MMAA: variants seen among roughly 807,000 people sequenced by gnomAD.
MMAA encodes metabolism of cobalamin associated A, also known as methylmalonic aciduria type A protein, mitochondrial.
A neutral mutation model predicts 45.0 loss-of-function variants in MMAA; 41 were observed. The ratio of observed to expected loss-of-function variants is 0.91; its 90% CI spans 0.71 to 1.18. The LOEUF (loss-of-function observed/expected upper bound fraction) is 1.18, where lower values mean the gene tolerates loss of function less well. MMAA is among the 50% of genes most tolerant of loss of function. The pLI is 0.00. For missense variants in MMAA, 460 were observed against 495.7 expected (o/e 0.93, Z 0.68); for synonymous variants, 154 against 178.2 (o/e 0.86, Z 1.08).
At chr4:145,630,896 C>A (rs1271244482) in intron 1 of MMAA, among the ~76,000 whole-genome samples, 1 of 152,116 alleles carries the variant, frequency 6.6e-6, no homozygotes, top group Non-Finnish European at 1.5e-5. Context: ...TCCTTAATTT[C>A]TTCATTGACC....
chr4:145,625,871 G>T, intron 1 of MMAA: 4 of 1,403,868 alleles, frequency 2.8e-6, no homozygotes, highest in Non-Finnish European at 2.0e-6. Flanking sequence ...GACGGGTTAT[G>T]CAACTGTGAA....
At chr4:145,625,069 G>T in intron 1 of MMAA, 1 of 928,246 alleles carries the variant, frequency 1.1e-6, no homozygotes, top group South Asian at 1.3e-5. Context: ...TGCCATTCTC[G>T]GGCTTCCCCA....
chr4:145,648,512 T>C (rs1728003422), intron 4 of MMAA, among the ~76,000 whole-genome samples: 1 of 152,120 alleles, frequency 6.6e-6, no homozygotes, highest in Non-Finnish European at 1.5e-5. Flanking sequence ...TGACAGGGCT[T>C]TAGAAACTCC....
chr4:145,625,981 T>A, intron 1 of MMAA: 1 of 1,502,988 alleles, frequency 6.7e-7, no homozygotes, highest in South Asian at 1.1e-5. Flanking sequence ...TCACTACCCC[T>A]CAAAAGGGGT....
At chr4:145,638,283 G>A (rs554625071) in intron 1 of MMAA, among the ~76,000 whole-genome samples, 9 of 152,276 alleles carry the variant, frequency 5.9e-5, no homozygotes, top group Admixed American at 2.6e-4. Context: ...GCAGGAGAAT[G>A]GCGTGAACCC....
chr4:145,626,742 G>A (rs1458312406), intron 1 of MMAA, among the ~76,000 whole-genome samples: 3 of 152,144 alleles, frequency 2.0e-5, no homozygotes, highest in South Asian at 4.1e-4. Flanking sequence ...AAAATAGGAT[G>A]TCATCCACTG....
chr4:145,655,179 G>A lies in MMAA; in HGVS notation c.1002G>A (p.Gly334=), dbSNP rs1018880684. 18 of 1,614,152 alleles carry A rather than the reference G, an allele frequency of 1.1e-5. No homozygotes were observed. The highest frequency in any genetic ancestry group is 1.4e-5 in the Non-Finnish European group (16 of 1,179,996). ...GTATTTCTGCCCGAAGTGGAGAGGG[G>A]ATCTCTGAAATGTGGGATAAAATGA... ...VIRISARSGE[G]ISEMWDKMKD... is the part of the protein sequence containing the mutation. Residue 334 remains glycine, a synonymous_variant, in exon 7 of 7, where the codon GGG becomes GGA. Transcript: ENST00000649156.
chr4:145,635,106 A>G (rs1390813281), intron 1 of MMAA, among the ~76,000 whole-genome samples: 2 of 151,930 alleles, frequency 1.3e-5, no homozygotes, highest in Admixed American at 1.3e-4. Context: ...CCCCTAGTCC[A>G]CTGGCTCTGG....
chr4:145,624,728 A>G, intron 1 of MMAA: 1 of 1,581,912 alleles, frequency 6.3e-7, no homozygotes, highest in Non-Finnish European at 8.7e-7. Context: ...CTTTGTTCAG[A>G]AGCCACTTAT....
rs1728304868 is a variant in MMAA, at chr4:145,658,731, C to G, written c.*3297C>G. 1 of 148,364 alleles carries G rather than the reference C, an allele frequency of 6.7e-6. No homozygotes were observed. The highest frequency in any genetic ancestry group is 6.7e-5 in the Admixed American group (1 of 14,856). 9.2% of individuals were successfully genotyped at this position (148,364 alleles called of 1,614,324 possible). A position where few individuals can be genotyped will look rare whatever the true frequency, so the allele number is the denominator to read the frequency against. On this transcript the variant is annotated 3_prime_UTR_variant, in exon 7 of 7. Coordinates refer to ENST00000649156, the MANE Select transcript of MMAA (RefSeq NM_172250.3). The stretch of plus-strand genomic sequence containing the variant: ...AAAGGAAAAATTAGTGAAAATCATT[C>G]AAACATTATGCTCACCAGGTAGACT...
rs1728235952 is a variant in MMAA at position 145,656,511 on chromosome 4, A to G, written c.*1077A>G. ...TTACTATCCTTATTACATTAAAGTT[A>G]TGGGTATCTTGAAACTACAAACCTG... On this transcript the variant is annotated 3_prime_UTR_variant, in exon 7 of 7. Coordinates refer to ENST00000649156, the MANE Select transcript of MMAA (RefSeq NM_172250.3). 6.6e-6 allele frequency: 1 copy of G among 151,864 alleles called. No individual in the cohort carries two copies. Among genetic ancestry groups the G allele is most frequent in the Non-Finnish European group, 1.5e-5 (1 of 68,022 alleles). The allele number at this position is 151,864 out of a possible 1,614,324, so 9.4% of individuals were successfully genotyped here.
In MMAA at chr4:145,646,047, C is replaced by T; in HGVS notation, c.624C>T (p.Ile208=). 1 of 1,614,054 alleles carries T rather than the reference C, an allele frequency of 6.2e-7. No homozygotes were observed. Among genetic ancestry groups the T allele is most frequent in the Non-Finnish European group, 8.5e-7 (1 of 1,179,946 alleles). The change falls in exon 4 of 7, where the codon ATC becomes ATT. Residue 208 remains isoleucine (I), a synonymous_variant. Transcript: ENST00000649156. ...TATCAAGAGATATGAATGCATACAT[C>T]AGGCCATCTCCTACTAGAGGAACTT... ...TELSRDMNAY[I]RPSPTRGTLG... is the part of the protein sequence containing the mutation.
At chr4:145,627,801 A>T (rs1308018670) in intron 1 of MMAA, among the ~76,000 whole-genome samples, 2 of 152,130 alleles carry the variant, frequency 1.3e-5, no homozygotes, top group East Asian at 1.9e-4. Context: ...ATATAGTTTT[A>T]AAAAATCTAC....
intron 4 of MMAA, among the ~76,000 whole-genome samples, chr4:145,647,917 C>T (rs1727974848): frequency 6.6e-6 from 1 of 150,892 alleles, no homozygotes; most frequent in Non-Finnish European, 1.5e-5. Context: ...AGTGCAGTTG[C>T]GGGGTCTCGG....
At chr4:145,619,888 A>C (rs1415397687) in intron 1 of MMAA, among the ~76,000 whole-genome samples, 4 of 152,212 alleles carry the variant, frequency 2.6e-5, no homozygotes, top group Admixed American at 6.5e-5. Context: ...TAAAAGTTAC[A>C]AACAGTATCT....
rs1317371212 is a variant in MMAA, at chr4:145,658,647, C to A, written c.*3213C>A. The A allele has an allele frequency of 7.0e-6, 1 of 142,118 alleles. No homozygotes were observed. The highest frequency in any genetic ancestry group is 1.5e-5 in the Non-Finnish European group (1 of 66,452). 8.8% of individuals were successfully genotyped at this position (142,118 alleles called of 1,614,324 possible). A position where few individuals can be genotyped will look rare whatever the true frequency, so the allele number is the denominator to read the frequency against. Reference sequence around the variant, plus strand: ...AGTGTACACTGAAGACAACAGCTAACGAACAACATACGTGTGATAATTTAT... The same window carrying A: ...AGTGTACACTGAAGACAACAGCTAAAGAACAACATACGTGTGATAATTTAT... On this transcript the variant is annotated 3_prime_UTR_variant, in exon 7 of 7. Transcript: ENST00000649156.
rs1218542510 is a variant in MMAA at position 145,648,032 on chromosome 4, T to TG, written c.733+1876_733+1877insG. ...CCACCATGCCCAGCTAATTTTTTTT[T>TG]TTTTTTTTAGTAGAGACAGGGTTTC... On this transcript the variant is annotated intron_variant, in intron 4 of 6. Coordinates refer to ENST00000649156, the MANE Select transcript of MMAA (RefSeq NM_172250.3). Among the ~76,000 whole-genome samples the TG allele has an allele frequency of 2.8e-4, 42 of 151,182 alleles. 1 individual carries two copies. Among genetic ancestry groups the TG allele is most frequent in the African/African-American group, 9.5e-4 (39 of 41,186 alleles).
At chr4:145,647,211 T>C (rs1040588247) in intron 4 of MMAA, among the ~76,000 whole-genome samples, 1 of 152,046 alleles carries the variant, frequency 6.6e-6, no homozygotes, top group African/African-American at 2.4e-5. Flanking sequence ...CATGATAAGA[T>C]GTGAGATAAG....
At chr4:145,634,481 G>T (rs1727552257) in intron 1 of MMAA, among the ~76,000 whole-genome samples, 1 of 152,050 alleles carries the variant, frequency 6.6e-6, no homozygotes, top group Non-Finnish European at 1.5e-5. Flanking sequence ...CTGGCCCAGG[G>T]CAGGTCCAGA....
Sources: allele counts gnomAD v4.1 joint callset (sites outside exome capture counted in the v4.1 genomes callset), GRCh38; gene constraint gnomAD v4.1.1; transcripts MANE v1.5; gene names NCBI Gene and HGNC (gene_info 2026-07-23, HGNC 2026-07-21).